TEX11: variants seen among roughly 807,000 people sequenced by gnomAD.
The protein encoded by TEX11 is testis expressed 11, also known as testis-expressed protein 11.
A neutral mutation model predicts 84.4 loss-of-function variants in TEX11; 7 were observed. The observed-to-expected ratio is 0.08, with a 90% CI of 0.05 to 0.16. The LOEUF (loss-of-function observed/expected upper bound fraction) is 0.16, where lower values mean the gene tolerates loss of function less well. Ranked by LOEUF, TEX11 falls within the 10% of genes least tolerant of loss-of-function variation. The pLI is 1.00. For synonymous variants in TEX11, 264 were observed against 222.8 expected (o/e 1.18, Z -1.64); for missense variants, 551 against 660.5 (o/e 0.83, Z 1.82).
chrX:70,727,921 C>T (rs1347423580), intron 11 of TEX11, among the ~76,000 whole-genome samples: 1 of 112,052 alleles, frequency 8.9e-6, no homozygotes, highest in Non-Finnish European at 1.9e-5. Context: ...GCTTAAGCCA[C>T]CCAGTTTATA....
chrX:70,729,409 GA>G (rs754530176), intron 11 of TEX11, among the ~76,000 whole-genome samples: 46 of 110,938 alleles, frequency 4.1e-4, no homozygotes, highest in Non-Finnish European at 6.2e-4. Flanking sequence ...TAAAAACCTT[GA>G]AAAAAAATTA....
At chrX:70,526,522 T>A (rs1334718020), downstream of TEX11, among the ~76,000 whole-genome samples, 5 of 104,912 alleles carry the variant, frequency 4.8e-5, no homozygotes, top group African/African-American at 1.8e-4. Flanking sequence ...TGTGCCGAGA[T>A]AGTGCCATTG....
the TEX11 span, among the ~76,000 whole-genome samples, chrX:70,519,613 G>A: frequency 9.0e-6 from 1 of 111,439 alleles, no homozygotes; most frequent in African/African-American, 3.3e-5. Flanking sequence ...TTCTAGAGGA[G>A]TATCTTAGTG....
chrX:70,900,333 C>T (rs2091795445), intron 2 of TEX11, among the ~76,000 whole-genome samples: 1 of 97,638 alleles, frequency 1.0e-5, no homozygotes, highest in African/African-American at 3.8e-5. Flanking sequence ...GAACAGAGAT[C>T]GTGCCACTGC....
chrX:70,586,307 GA>G (rs1444098821), intron 25 of TEX11, among the ~76,000 whole-genome samples: 1 of 112,106 alleles, frequency 8.9e-6, no homozygotes, highest in Non-Finnish European at 1.9e-5. Context: ...AGCAACAAAA[GA>G]AAAGGTAGAT....
chrX:70,780,049 C>T (rs2091027918), intron 9 of TEX11, among the ~76,000 whole-genome samples: 1 of 111,086 alleles, frequency 9.0e-6, no homozygotes, highest in African/African-American at 3.3e-5. Context: ...TGCAGATTGC[C>T]TGAGGTCAGG....
chrX:70,712,797 G>A (rs1431860568), intron 13 of TEX11, among the ~76,000 whole-genome samples: 9 of 110,630 alleles, frequency 8.1e-5, no homozygotes, highest in African/African-American at 2.3e-4. Context: ...TCTCCTGCCT[G>A]ATTGCCCTGG....
At chrX:70,543,466 G>A (rs1324460517) in intron 28 of TEX11, among the ~76,000 whole-genome samples, 4 of 111,971 alleles carry the variant, frequency 3.6e-5, no homozygotes. Flanking sequence ...TCAACTTGGA[G>A]TTATAGTACA....
intron 13 of TEX11, among the ~76,000 whole-genome samples, chrX:70,694,017 C>T (rs1386831624): frequency 9.0e-6 from 1 of 111,127 alleles, no homozygotes; most frequent in Non-Finnish European, 1.9e-5. Flanking sequence ...TAAAAAAAAC[C>T]CCAAATATTG....
At chrX:70,749,259 G>A (rs1282862240) in intron 9 of TEX11, among the ~76,000 whole-genome samples, 29 of 106,400 alleles carry the variant, frequency 2.7e-4, no homozygotes, top group Middle Eastern at 4.8e-3. Context: ...TGTGATTTTT[G>A]TACATTGATT....
At chrX:70,707,962 TA>T (rs886462408) in intron 13 of TEX11, among the ~76,000 whole-genome samples, 9 of 109,908 alleles carry the variant, frequency 8.2e-5, no homozygotes, top group African/African-American at 9.9e-5. Flanking sequence ...CTGCACAGCA[TA>T]AAAAAAATCT....
chrX:70,886,547 T>C (rs1330285087), intron 2 of TEX11, among the ~76,000 whole-genome samples: 1 of 111,464 alleles, frequency 9.0e-6, no homozygotes, highest in African/African-American at 3.3e-5. Context: ...CAATAATGTA[T>C]ACTTAAAGTT....
chrX:70,748,886 A>G (rs1317568669), intron 9 of TEX11, among the ~76,000 whole-genome samples: 3 of 101,657 alleles, frequency 3.0e-5, no homozygotes, highest in East Asian at 3.1e-4. Context: ...TTGGCTTAGG[A>G]TTGACTTGGC....
chrX:70,695,541 G>A (rs908487203), intron 13 of TEX11, among the ~76,000 whole-genome samples: 4 of 111,944 alleles, frequency 3.6e-5, no homozygotes, highest in Admixed American at 9.5e-5. Context: ...TCCTGATTGC[G>A]ATAATGGGTT....
At chrX:70,772,566 C>T (rs2090977930) in intron 9 of TEX11, among the ~76,000 whole-genome samples, 1 of 110,591 alleles carries the variant, frequency 9.0e-6, no homozygotes. Context: ...AGAGTGAGAC[C>T]TTGTTTAAAA....
At chrX:70,895,241 G>A (rs1206767057) in intron 2 of TEX11, among the ~76,000 whole-genome samples, 1 of 111,043 alleles carries the variant, frequency 9.0e-6, no homozygotes, top group East Asian at 2.8e-4. Flanking sequence ...GACAAGCAGA[G>A]AACCAAATCA....
intron 9 of TEX11, among the ~76,000 whole-genome samples, chrX:70,765,738 G>A (rs2090936179): frequency 8.9e-6 from 1 of 111,789 alleles, no homozygotes; most frequent in Non-Finnish European, 1.9e-5. Flanking sequence ...CAACAAGGAT[G>A]CCCACTGTCA....
At chrX:70,773,282 G>T (rs778004276) in intron 9 of TEX11, among the ~76,000 whole-genome samples, 15 of 110,369 alleles carry the variant, frequency 1.4e-4, no homozygotes, top group African/African-American at 4.9e-4. Flanking sequence ...TAAGAGAAAA[G>T]TGACTTATAT....
chrX:70,808,871 T>C (rs1031166647), intron 8 of TEX11, among the ~76,000 whole-genome samples: 4 of 111,851 alleles, frequency 3.6e-5, no homozygotes, highest in South Asian at 3.6e-4. Context: ...GCATAAATTA[T>C]GATGGTACAA....
Sources: allele counts gnomAD v4.1 joint callset (sites outside exome capture counted in the v4.1 genomes callset), GRCh38; gene constraint gnomAD v4.1.1; transcripts MANE v1.5; gene names NCBI Gene and HGNC (gene_info 2026-07-23, HGNC 2026-07-21).